HPR: variants seen among roughly 807,000 people sequenced by gnomAD.
HPR encodes haptoglobin-related protein.
In HPR, 17 loss-of-function variants were observed where a neutral mutation model predicts 18.5. That is an observed-to-expected ratio of 0.92 (90% CI 0.63 to 1.38). The LOEUF (loss-of-function observed/expected upper bound fraction) is 1.38, where lower values mean the gene tolerates loss of function less well. Ranked by LOEUF, HPR falls within the 40% of genes most tolerant of loss-of-function variation. HPR has a pLI of 0.00. For synonymous variants in HPR, 176 were observed against 165.0 expected (o/e 1.07, Z -0.51); for missense variants, 457 against 432.4 (o/e 1.06, Z -0.51).
chr16:72,073,194 G>A (rs891601642), intron 1 of HPR, among the ~76,000 whole-genome samples: 1 of 152,164 alleles, frequency 6.6e-6, no homozygotes, highest in African/African-American at 2.4e-5. Context: ...TCAGGATACA[G>A]TAGCAGGGAC....
intron 1 of HPR, among the ~76,000 whole-genome samples, chr16:72,065,655 G>A (rs1480770430): frequency 6.6e-6 from 1 of 152,134 alleles, no homozygotes; most frequent in Non-Finnish European, 1.5e-5. Context: ...AGTATGGGTC[G>A]AATGAGGGTG....
At position 72,077,092 on chromosome 16, in the gene HPR, G is replaced by T. The variant is rs1480483154; in HGVS notation, c.*11G>T. ...ATAGCTGAGAACTAATGCAAGGCTG[G>T]CCGGAAGCCCTTGCCTGAAAGCAAG... is the stretch of plus-strand genomic sequence containing the variant. On this transcript the variant is annotated 3_prime_UTR_variant, in exon 5 of 5. Coordinates refer to ENST00000540303, the MANE Select transcript of HPR (RefSeq NM_020995.4). The T allele has an allele frequency of 1.3e-6, 2 of 1,598,278 alleles. No individual in the cohort carries two copies. Among genetic ancestry groups the T allele is most frequent in the Non-Finnish European group, 1.7e-6 (2 of 1,169,410 alleles).
intron 3 of HPR, 49 bp from the exon 4 acceptor site, chr16:72,075,096 G>A: frequency 2.8e-6 from 2 of 724,356 alleles, no homozygotes; most frequent in Non-Finnish European, 5.1e-6. Flanking sequence ...CTCTGCTCTG[G>A]GTGCAGACTT....
Position 72,076,377 on chromosome 16 carries a change from T to C in HPR, c.343T>C (p.Phe115Leu). 2.5e-6 allele frequency: 4 copies of C among 1,614,146 alleles called. No individual in the cohort carries two copies. The highest frequency in any genetic ancestry group is 3.4e-6 in the Non-Finnish European group (4 of 1,180,016). The change falls in exon 5 of 5, where the codon TTT becomes CTT. Residue 115 changes from phenylalanine to leucine, a missense_variant. Physicochemically the swap from Phe to Leu is conservative, Grantham distance 22. Transcript: ENST00000540303. ...LGGHLDAKGS[F>L]PWQAKMVSHH... ...TGGACACCTGGATGCCAAAGGCAGC[T>C]TTCCCTGGCAGGCTAAGATGGTTTC...
chr16:72,065,097 G>C (rs1403958081), intron 1 of HPR, among the ~76,000 whole-genome samples: 2 of 152,198 alleles, frequency 1.3e-5, no homozygotes, highest in Non-Finnish European at 2.9e-5. Flanking sequence ...TGTGTGGAGT[G>C]AATGAGTCCA....
chr16:72,076,410 A>T lies in HPR; in HGVS notation c.376A>T (p.Asn126Tyr). The T allele has an allele frequency of 6.2e-7, 1 of 1,614,190 alleles. No individual in the cohort carries two copies. The change falls in exon 5 of 5, where the codon AAT (asparagine) becomes TAT (tyrosine). Residue 126 changes from asparagine to tyrosine, a missense_variant. Transcript: ENST00000540303. ...GCAGGCTAAGATGGTTTCCCACCAT[A>T]ATCTCACCACAGGGGCCACGCTGAT... ...PWQAKMVSHH[N>Y]LTTGATLINE...
At chr16:72,070,867 G>C (rs1380622349) in intron 1 of HPR, among the ~76,000 whole-genome samples, 1 of 152,154 alleles carries the variant, frequency 6.6e-6, no homozygotes, top group Non-Finnish European at 1.5e-5. Flanking sequence ...CACTCAGTAT[G>C]GAGGGTGGAC....
In HPR at chr16:72,073,876, T is replaced by TG; in HGVS notation, c.6-15dup. 5.6e-6 allele frequency: 9 copies of TG among 1,613,878 alleles called. No individual in the cohort carries two copies. Among genetic ancestry groups the TG allele is most frequent in the Non-Finnish European group, 7.6e-6 (9 of 1,179,906 alleles). The stretch of plus-strand genomic sequence containing the variant: ...GGGAGACCAGCTTTCCGCTCCTTCT[T>TG]GTTTTCTCTCTGCAGTGACCTGGGA... On this transcript the variant is annotated splice_polypyrimidine_tract_variant and intron_variant, in intron 1 of 4. Transcript: ENST00000540303.
rs141162791 is a variant in HPR, at chr16:72,069,012, A to C, written c.6-4880A>C. On this transcript the variant is annotated intron_variant, in intron 1 of 4. Coordinates refer to ENST00000540303, the MANE Select transcript of HPR (RefSeq NM_020995.4). ...GTTCCTCCCAGCTGATTGAGGGAAAAAGACACAACGGGTATCCAGTAATCG... is the reference window on the plus strand; with the variant it reads ...GTTCCTCCCAGCTGATTGAGGGAAACAGACACAACGGGTATCCAGTAATCG... Among the ~76,000 whole-genome samples, 546 of 152,276 alleles carry C rather than the reference A, an allele frequency of 3.6e-3. 1 individual carries two copies. The highest frequency in any genetic ancestry group is 6.1e-3 in the Non-Finnish European group (415 of 68,032).
chr16:72,074,042 C>A lies in HPR; in HGVS notation c.91+65C>A, dbSNP rs145219636. ...CTGCCACATCCCACTCTGACTCTCT[C>A]GGGTCTGCATTCTTTCTTTGAGAAC... is the stretch of plus-strand genomic sequence containing the variant. On this transcript the variant is annotated intron_variant, in intron 2 of 4. Transcript: ENST00000540303. 3.2e-5 allele frequency: 51 copies of A among 1,596,796 alleles called. No homozygotes were observed. In the Middle Eastern group the frequency reaches 5.1e-4, roughly 16 times the overall value.
intron 1 of HPR, 85 bp from the exon 2 acceptor site, chr16:72,073,807 T>C (rs773080465): frequency 9.3e-6 from 15 of 1,606,252 alleles, no homozygotes; most frequent in Non-Finnish European, 1.3e-5. Context: ...TGTGTGTGTG[T>C]GTACATGCCT....
At chr16:72,075,244 A>G in intron 4 of HPR, 25 bp downstream of exon 4, 3 of 1,328,262 alleles carry the variant, frequency 2.3e-6, no homozygotes, top group Non-Finnish European at 3.1e-6. Context: ...CTGAGCACTT[A>G]AGAGAGCAGG....
In HPR at chr16:72,075,220, G is replaced by A. The variant is rs1429698818; in HGVS notation, c.268+1G>A. On this transcript the variant is annotated splice_donor_variant, in intron 4 of 4. Coordinates refer to ENST00000540303, the MANE Select transcript of HPR (RefSeq NM_020995.4). LOFTEE classifies it high-confidence loss of function. ...GATAAACTTCCTGAATGTGAAGCAG[G>A]TGGGTGCTGAGCACTGAGCACTTAA... 16 of 1,450,112 alleles carry A rather than the reference G, an allele frequency of 1.1e-5. No homozygotes were observed. Among genetic ancestry groups the A allele is most frequent in the Non-Finnish European group, 1.5e-5 (16 of 1,056,430 alleles). 89.8% of individuals were successfully genotyped at this position (1,450,112 alleles called of 1,614,324 possible). A position where few individuals can be genotyped will look rare whatever the true frequency, so the allele number is the denominator to read the frequency against.
intron 1 of HPR, among the ~76,000 whole-genome samples, chr16:72,069,648 G>A (rs1389111597): frequency 6.6e-6 from 1 of 151,940 alleles, no homozygotes; most frequent in East Asian, 1.9e-4. Context: ...CAGTTCTCAG[G>A]GTCTATGGAT....
At chr16:72,065,360 T>C (rs531361730) in intron 1 of HPR, among the ~76,000 whole-genome samples, 3 of 151,992 alleles carry the variant, frequency 2.0e-5, no homozygotes, top group Non-Finnish European at 4.4e-5. Context: ...AAATTCCTAA[T>C]ATGAGGAACT....
chr16:72,068,157 T>C (rs1388364713), intron 1 of HPR, among the ~76,000 whole-genome samples: 1 of 152,208 alleles, frequency 6.6e-6, no homozygotes, highest in African/African-American at 2.4e-5. Context: ...TATTCTCATA[T>C]CTGGTGAGGA....
chr16:72,073,105 T>A (rs139898856), intron 1 of HPR, among the ~76,000 whole-genome samples: 1 of 152,284 alleles, frequency 6.6e-6, no homozygotes, highest in African/African-American at 2.4e-5. Context: ...TTCCCAGCAG[T>A]GTAATCACAT....
At chr16:72,064,351 G>T (rs939532907) in intron 1 of HPR, among the ~76,000 whole-genome samples, 2 of 152,126 alleles carry the variant, frequency 1.3e-5, no homozygotes, top group Non-Finnish European at 2.9e-5. Flanking sequence ...TTCAAGGCCA[G>T]ACTTCCTTAC....
At chr16:72,064,194 G>A (rs1356101324) in intron 1 of HPR, among the ~76,000 whole-genome samples, 1 of 152,102 alleles carries the variant, frequency 6.6e-6, no homozygotes, top group Non-Finnish European at 1.5e-5. Context: ...TGGCATTTTG[G>A]GGTTTGAGAT....
Sources: allele counts gnomAD v4.1 joint callset (sites outside exome capture counted in the v4.1 genomes callset), GRCh38; gene constraint gnomAD v4.1.1; transcripts MANE v1.5; gene names NCBI Gene and HGNC (gene_info 2026-07-23, HGNC 2026-07-21).